Variants in CCDC170 observed in about 807,000 individuals in gnomAD.
CCDC170 encodes the protein coiled-coil domain containing 170.
A neutral mutation model predicts 72.6 loss-of-function variants in CCDC170; 69 were observed. That is an observed-to-expected ratio of 0.95 (90% CI 0.78 to 1.16). CCDC170 has a LOEUF of 1.16. CCDC170 is among the 50% of genes most tolerant of loss of function. CCDC170 has a pLI of 0.00. For missense variants in CCDC170, 852 were observed against 832.5 expected (o/e 1.02, Z -0.29); for synonymous variants, 300 against 303.9 (o/e 0.99, Z 0.13).
At position 151,507,847 on chromosome 6, in the gene CCDC170, G is replaced by A. The variant is rs539275732; in HGVS notation, c.57+13662G>A. On this transcript the variant is annotated intron_variant, in intron 1 of 10. Coordinates refer to ENST00000239374, the MANE Select transcript of CCDC170 (RefSeq NM_025059.4). ...GAGGCAGGAGAATCGCTTGAACCAG[G>A]GAGTCGGAGGTTGCAGTGAGCCGAG... 2.0e-5 allele frequency among the ~76,000 whole-genome samples: 3 copies of A among 152,034 alleles called. No homozygotes were observed. In the South Asian group the frequency reaches 6.2e-4, roughly 32 times the overall value.
intron 9 of CCDC170, among the ~76,000 whole-genome samples, chr6:151,597,386 C>T (rs576512820): frequency 3.2e-4 from 49 of 152,280 alleles, no homozygotes; most frequent in African/African-American, 1.2e-3. Context: ...CCTCAGCCTC[C>T]TGAAGTGCTG....
chr6:151,558,096 TTAAATAAA>T (rs374360621), intron 5 of CCDC170, among the ~76,000 whole-genome samples: 1 of 152,092 alleles, frequency 6.6e-6, no homozygotes, highest in Non-Finnish European at 1.5e-5. Flanking sequence ...AGACTCTATC[TTAAATAAA>T]TAAATAAATA....
At position 151,585,918 on chromosome 6, in the gene CCDC170, T is replaced by C; in HGVS notation, c.1122T>C (p.Ser374=). The change falls in exon 7 of 11, where the codon TCT becomes TCC. Residue 374 remains serine, a synonymous_variant. Coordinates refer to ENST00000239374, the MANE Select transcript of CCDC170 (RefSeq NM_025059.4). ...RMVSQLEAQI[S]ELVEQLGKES... ...TCTCCCAGCTTGAAGCCCAAATATCTGAGCTTGTTGAACAGTTGGGAAAGG... is the reference window on the plus strand; with the variant it reads ...TCTCCCAGCTTGAAGCCCAAATATCCGAGCTTGTTGAACAGTTGGGAAAGG... The C allele has an allele frequency of 1.9e-6, 3 of 1,613,892 alleles. No individual in the cohort carries two copies. Among genetic ancestry groups the C allele is most frequent in the Non-Finnish European group, 1.7e-6 (2 of 1,179,898 alleles).
In CCDC170 at chr6:151,548,383, T is replaced by A; in HGVS notation, c.668T>A (p.Met223Lys). ...ILEETINVHE[M>K]EAKASRETIM... ...GAAGAGACTATAAATGTCCATGAGATGGAAGCAAAAGCTAGCAGAGAAACG... is the reference window on the plus strand; with the variant it reads ...GAAGAGACTATAAATGTCCATGAGAAGGAAGCAAAAGCTAGCAGAGAAACG... The change falls in exon 5 of 11, where the codon ATG becomes AAG. Residue 223 changes from methionine to lysine, a missense_variant. Coordinates refer to ENST00000239374, the MANE Select transcript of CCDC170 (RefSeq NM_025059.4). The A allele has an allele frequency of 6.2e-7, 1 of 1,612,840 alleles. No homozygotes were observed. The highest frequency in any genetic ancestry group is 8.5e-7 in the Non-Finnish European group (1 of 1,179,222).
intron 9 of CCDC170, among the ~76,000 whole-genome samples, chr6:151,601,612 C>T (rs745620556): frequency 9.2e-5 from 14 of 151,960 alleles, no homozygotes; most frequent in Non-Finnish European, 1.9e-4. Flanking sequence ...ATCTCTCTAT[C>T]TATATAGAGA....
In CCDC170 at chr6:151,596,394, G is replaced by T. The variant is rs559878206; in HGVS notation, c.1527G>T (p.Gln509His). 7 of 1,614,006 alleles carry T rather than the reference G, an allele frequency of 4.3e-6. No homozygotes were observed. The African/African-American group carries it at 9.3e-5, about 22-fold the overall frequency. Residue 509 changes from glutamine to histidine, a missense_variant, in exon 9 of 11, where the codon CAG becomes CAT. Gln to His is a conservative substitution (Grantham distance 24, BLOSUM62 0). Transcript: ENST00000239374. ...SKELHMSLLR[Q>H]KIAQLEEEKQ... ...AATTACACATGAGCCTCCTCCGGCA[G>T]AAAATAGCCCAGCTGGAGGAGGAGA...
intron 9 of CCDC170, among the ~76,000 whole-genome samples, chr6:151,606,193 CA>C (rs1207158389): frequency 2.0e-5 from 3 of 152,232 alleles, no homozygotes; most frequent in Non-Finnish European, 1.5e-5. Context: ...TGAGCCACTG[CA>C]CCTGGCCTAT....
chr6:151,522,765 T>C (rs1239922401), intron 1 of CCDC170, among the ~76,000 whole-genome samples: 2 of 152,326 alleles, frequency 1.3e-5, no homozygotes, highest in African/African-American at 4.8e-5. Context: ...GCTATTCCTT[T>C]TGTGGCACTG....
chr6:151,578,604 G>C (rs1314250410), intron 6 of CCDC170, among the ~76,000 whole-genome samples: 2 of 152,118 alleles, frequency 1.3e-5, no homozygotes, highest in African/African-American at 4.8e-5. Context: ...TGAGGTACTG[G>C]GGGGCTTCAA....
rs1583019209 is a variant in CCDC170 at position 151,544,743 on chromosome 6, A to G, written c.588+27A>G. The stretch of plus-strand genomic sequence containing the variant: ...TGTCTGTATGCAGATTAAAAAGTCT[A>G]TAAATGTAGTGGTGATTCTGACATG... On this transcript the variant is annotated intron_variant, in intron 4 of 10. Transcript: ENST00000239374. The G allele has an allele frequency of 3.8e-6, 6 of 1,586,920 alleles. No homozygotes were observed. In the South Asian group the frequency reaches 4.5e-5, roughly 12 times the overall value.
At chr6:151,612,271 G>GATGC (rs1776885121) in intron 9 of CCDC170, among the ~76,000 whole-genome samples, 2 of 152,282 alleles carry the variant, frequency 1.3e-5, no homozygotes, top group African/African-American at 4.8e-5. Flanking sequence ...CCACAGTGAA[G>GATGC]ATGCACTCTA....
At chr6:151,530,043 T>C (rs1430415537) in intron 1 of CCDC170, among the ~76,000 whole-genome samples, 3 of 152,212 alleles carry the variant, frequency 2.0e-5, no homozygotes, top group African/African-American at 7.2e-5. Flanking sequence ...CAGGACCTAA[T>C]GACATTTTTC....
chr6:151,517,950 A>T (rs1402931715), intron 1 of CCDC170, among the ~76,000 whole-genome samples: 1 of 146,480 alleles, frequency 6.8e-6, no homozygotes, highest in Non-Finnish European at 1.5e-5. Context: ...TCTTGTTTTC[A>T]CACTGGATAA....
intron 1 of CCDC170, among the ~76,000 whole-genome samples, chr6:151,509,486 C>T (rs188833702): frequency 5.9e-5 from 9 of 152,128 alleles, no homozygotes; most frequent in Admixed American, 1.3e-4. Context: ...TTTTTTGAGT[C>T]CAGCCTAAGA....
chr6:151,544,538 T>C, intron 3 of CCDC170, 34 bp from the exon 4 acceptor site: 1 of 1,590,442 alleles, frequency 6.3e-7, no homozygotes, highest in Non-Finnish European at 8.6e-7. Flanking sequence ...TTCCATGGTG[T>C]TAAATTCTGA....
At chr6:151,562,571 T>G (rs937446223) in intron 5 of CCDC170, among the ~76,000 whole-genome samples, 1 of 152,198 alleles carries the variant, frequency 6.6e-6, no homozygotes, top group Non-Finnish European at 1.5e-5. Flanking sequence ...AAGAACTAAT[T>G]AGAAAGACTG....
rs1449466902 is a variant in CCDC170, at chr6:151,499,592, G to A, written c.57+5407G>A. 2.2e-5 allele frequency among the ~76,000 whole-genome samples: 3 copies of A among 134,736 alleles called. 1 individual carries two copies. Among genetic ancestry groups the A allele is most frequent in the Non-Finnish European group, 3.1e-5 (2 of 64,128 alleles). 88.4% of individuals were successfully genotyped at this position (134,736 alleles called of 152,430 possible). A position where few individuals can be genotyped will look rare whatever the true frequency, so the allele number is the denominator to read the frequency against. Reference sequence around the variant, plus strand: ...TGACTATTCTAGGCACGCTGTATAAGTGGAATCAGACCGTATTTGACTATT... The same window carrying A: ...TGACTATTCTAGGCACGCTGTATAAATGGAATCAGACCGTATTTGACTATT... On this transcript the variant is annotated intron_variant, in intron 1 of 10. Coordinates refer to ENST00000239374, the MANE Select transcript of CCDC170 (RefSeq NM_025059.4).
intron 4 of CCDC170, among the ~76,000 whole-genome samples, chr6:151,545,698 G>A (rs1459606177): frequency 6.6e-6 from 1 of 151,708 alleles, no homozygotes; most frequent in African/African-American, 2.4e-5. Context: ...ACAGTGATAT[G>A]ATCCTAGTTT....
At chr6:151,558,958 A>G (rs1783032396) in intron 5 of CCDC170, among the ~76,000 whole-genome samples, 1 of 151,368 alleles carries the variant, frequency 6.6e-6, no homozygotes, top group African/African-American at 2.4e-5. Flanking sequence ...CAGGGATTAC[A>G]GTTAATCTGT....
Sources: allele counts gnomAD v4.1 joint callset (sites outside exome capture counted in the v4.1 genomes callset), GRCh38; gene constraint gnomAD v4.1.1; transcripts MANE v1.5; gene names NCBI Gene and HGNC (gene_info 2026-07-23, HGNC 2026-07-21).